The following MAF variants were observed in gnomAD, a reference collection of about 807,000 sequenced individuals.
MAF encodes the protein MAF bZIP transcription factor.
MAF carries 10 observed loss-of-function variants against 22.0 expected under a neutral mutation model. The ratio of observed to expected loss-of-function variants is 0.45; its 90% CI spans 0.28 to 0.77. MAF has a LOEUF of 0.77. Ranked by LOEUF, MAF falls within the 30% of genes least tolerant of loss-of-function variation. The pLI is 0.12. For synonymous variants in MAF, 337 were observed against 255.8 expected (o/e 1.32, Z -3.03); for missense variants, 544 against 548.4 (o/e 0.99, Z 0.08).
At chr16:79,324,146 G>A in the MAF span, among the ~76,000 whole-genome samples, 1 of 152,194 alleles carries the variant, frequency 6.6e-6, no homozygotes, top group Non-Finnish European at 1.5e-5. Context: ...TTTAAATTCA[G>A]TGTGCCTCAA....
chr16:79,403,905 T>A, the MAF span, among the ~76,000 whole-genome samples: 1 of 152,134 alleles, frequency 6.6e-6, no homozygotes, highest in Admixed American at 6.5e-5. Flanking sequence ...GCGAGAGGCA[T>A]GTCTTCCTTC....
At chr16:79,486,907 C>A in the MAF span, among the ~76,000 whole-genome samples, 4 of 152,244 alleles carry the variant, frequency 2.6e-5, no homozygotes, top group Non-Finnish European at 4.4e-5. Flanking sequence ...CCCCCTCCAC[C>A]TCCTACAAGG....
the MAF span, among the ~76,000 whole-genome samples, chr16:79,547,338 C>G: frequency 1.3e-5 from 2 of 151,940 alleles, no homozygotes; most frequent in African/African-American, 4.8e-5. Context: ...CATACACACA[C>G]GTACCCACAG....
chr16:79,558,371 A>G, the MAF span, among the ~76,000 whole-genome samples: 1 of 152,226 alleles, frequency 6.6e-6, no homozygotes, highest in Non-Finnish European at 1.5e-5. Flanking sequence ...CCACTGTCAA[A>G]GAAATATCAT....
the MAF span, among the ~76,000 whole-genome samples, chr16:79,420,858 C>T: frequency 3.3e-5 from 5 of 152,080 alleles, no homozygotes; most frequent in South Asian, 2.1e-4. Flanking sequence ...GGAGAAACCC[C>T]TGCCGTCTCT....
the MAF span, among the ~76,000 whole-genome samples, chr16:79,527,605 C>A: frequency 1.3e-5 from 2 of 152,150 alleles, no homozygotes; most frequent in Non-Finnish European, 2.9e-5. Flanking sequence ...AGTCCCATCA[C>A]CTTACAATCA....
chr16:79,212,646 A>AAAAG, the MAF span: 1 of 149,444 alleles, frequency 6.7e-6, no homozygotes. Flanking sequence ...TATGCTTAAT[A>AAAAG]AAAGAACATG....
chr16:79,367,864 C>T, the MAF span, among the ~76,000 whole-genome samples: 1 of 152,214 alleles, frequency 6.6e-6, no homozygotes, highest in Admixed American at 6.5e-5. Context: ...AAGTCCTGTG[C>T]ATAACCAGAT....
chr16:79,216,645 A>G, the MAF span, among the ~76,000 whole-genome samples: 4 of 152,164 alleles, frequency 2.6e-5, no homozygotes, highest in Admixed American at 6.5e-5. Context: ...GGGCTATGCT[A>G]TGATGTTCAA....
At chr16:79,224,544 C>A in the MAF span, among the ~76,000 whole-genome samples, 1 of 151,962 alleles carries the variant, frequency 6.6e-6, no homozygotes, top group South Asian at 2.1e-4. Flanking sequence ...AAAGGGTATT[C>A]AATTAGGAAA....
chr16:79,326,230 T>G, the MAF span, among the ~76,000 whole-genome samples: 10 of 152,174 alleles, frequency 6.6e-5, no homozygotes, highest in African/African-American at 2.2e-4. Flanking sequence ...CCTGCAGAAA[T>G]AATAACAGTA....
At chr16:79,475,122 T>C in the MAF span, among the ~76,000 whole-genome samples, 1 of 152,210 alleles carries the variant, frequency 6.6e-6, no homozygotes, top group Non-Finnish European at 1.5e-5. Context: ...AGCTCAGCAG[T>C]GTCCCTTCTC....
chr16:79,384,386 A>G, the MAF span, among the ~76,000 whole-genome samples: 3 of 147,666 alleles, frequency 2.0e-5, no homozygotes, highest in Non-Finnish European at 4.5e-5. Flanking sequence ...CAGAGGTTGC[A>G]GTGAGCCAAG....
chr16:79,467,565 C>G, the MAF span, among the ~76,000 whole-genome samples: 1 of 152,178 alleles, frequency 6.6e-6, no homozygotes, highest in Non-Finnish European at 1.5e-5. Context: ...TTCCAGAGCT[C>G]GTGCCCTTAA....
chr16:79,409,601 T>C, the MAF span, among the ~76,000 whole-genome samples: 1 of 152,018 alleles, frequency 6.6e-6, no homozygotes, highest in African/African-American at 2.4e-5. Context: ...TTACACGGAG[T>C]AGTAATAACC....
At chr16:79,258,999 TC>T in the MAF span, among the ~76,000 whole-genome samples, 5 of 151,746 alleles carry the variant, frequency 3.3e-5, no homozygotes, top group East Asian at 3.9e-4. Flanking sequence ...AGAAGGGAGA[TC>T]CCCCCCATCC....
the MAF span, among the ~76,000 whole-genome samples, chr16:79,321,538 A>T: frequency 1.3e-5 from 2 of 152,050 alleles, no homozygotes; most frequent in Non-Finnish European, 2.9e-5. Context: ...GGCTTAGCTG[A>T]GGCCAGGAAG....
the MAF span, chr16:79,264,344 G>A: frequency 5.9e-5 from 9 of 152,136 alleles, no homozygotes; most frequent in Non-Finnish European, 1.2e-4. Context: ...AAACACATTG[G>A]GTGTGTTCTT....
At chr16:79,206,764 C>G in the MAF span, 4 of 152,298 alleles carry the variant, frequency 2.6e-5, no homozygotes, top group Non-Finnish European at 5.9e-5. Context: ...ATAGAAGTAT[C>G]ACGGTGGAAG....
Sources: gnomAD v4.1 joint callset for allele counts (sites outside exome capture counted in the v4.1 genomes callset) on GRCh38, gnomAD v4.1.1 for gene constraint, MANE v1.5 for transcripts, NCBI Gene and HGNC (gene_info 2026-07-23, HGNC 2026-07-21) for gene names.